GNPTAB: variants seen among roughly 807,000 people sequenced by gnomAD.
The protein encoded by GNPTAB is N-acetylglucosamine-1-phosphate transferase subunits alpha and beta.
GNPTAB carries 92 observed loss-of-function variants against 136.6 expected under a neutral mutation model. The observed-to-expected ratio is 0.67, with a 90% CI of 0.57 to 0.80. The LOEUF is 0.80. Ranked by LOEUF, GNPTAB falls within the 30% of genes least tolerant of loss-of-function variation. The probability of loss-of-function intolerance (pLI) is 0.00; values close to 1 mark genes in which losing one functional copy is unlikely to be tolerated. For synonymous variants in GNPTAB, 512 were observed against 535.1 expected, an observed-to-expected ratio of 0.96 and a Z score of 0.60; for missense variants, 1,343 against 1,501.8, an observed-to-expected ratio of 0.89 and a Z score of 1.75.
chr12:101,760,806 G>A (rs541883077), intron 15 of GNPTAB, among the ~76,000 whole-genome samples: 261 of 145,642 alleles, frequency 1.8e-3, no homozygotes, highest in African/African-American at 6.4e-3. Context: ...TTGAGACAGA[G>A]TCTCACTCTG....
rs998196068 is a variant in GNPTAB, at chr12:101,814,998, A to T, written c.117+15561T>A. Among the ~76,000 whole-genome samples the T allele has an allele frequency of 9.2e-5, 14 of 152,350 alleles. 1 individual carries two copies. Among genetic ancestry groups the T allele is most frequent in the Admixed American group, 9.2e-4 (14 of 15,294 alleles). On this transcript the variant is annotated intron_variant, in intron 1 of 20. Transcript: ENST00000299314. The stretch of plus-strand genomic sequence containing the variant: ...CTAGGTTTGAACTTAAGGATAACTG[A>T]AAAATATCTTGGGGTCCCAGGAGTC...
At chr12:101,787,616 T>G (rs1868729806) in intron 4 of GNPTAB, among the ~76,000 whole-genome samples, 1 of 152,160 alleles carries the variant, frequency 6.6e-6, no homozygotes, top group South Asian at 2.1e-4. Flanking sequence ...AAAAGATAGC[T>G]TAGAAGGCAC....
Position 101,796,326 on chromosome 12 carries a change from C to T in GNPTAB, c.203+351G>A, listed in dbSNP as rs1273764991. 1.1e-5 allele frequency: 8 copies of T among 701,026 alleles called. No individual in the cohort carries two copies. In the Admixed American group the frequency reaches 1.2e-4, roughly 11 times the overall value. The allele number at this position is 701,026 out of a possible 1,614,324, so 43.4% of individuals were successfully genotyped here. On this transcript the variant is annotated intron_variant, in intron 2 of 20. Coordinates refer to ENST00000299314, the MANE Select transcript of GNPTAB (RefSeq NM_024312.5). ...CCCAATAAACTACAAGGTGGGATTACTCTCTGTGAATCAGATTTTTCACCC... is the reference window on the plus strand; with the variant it reads ...CCCAATAAACTACAAGGTGGGATTATTCTCTGTGAATCAGATTTTTCACCC...
chr12:101,757,479 G>T, intron 17 of GNPTAB, 93 bp downstream of exon 17: 2 of 815,276 alleles, frequency 2.5e-6, no homozygotes, highest in South Asian at 1.4e-5. Context: ...TTAGAACAGT[G>T]CTTAATAGAC....
chr12:101,759,362 CAAAAAAAAAAA>C (rs34183008), intron 16 of GNPTAB, among the ~76,000 whole-genome samples: 2 of 50,896 alleles, frequency 3.9e-5, no homozygotes, highest in Admixed American at 2.2e-4. Flanking sequence ...GACTCCGTCT[CAAAAAAAAAAA>C]AAAAAAAAAG....
Position 101,764,418 on chromosome 12 carries a change from T to G in GNPTAB, c.2499A>C (p.Glu833Asp), listed in dbSNP as rs77410031. Residue 833 changes from glutamate (E) to aspartate (D), a missense_variant, in exon 13 of 21, where the codon GAA becomes GAC. Coordinates refer to ENST00000299314, the MANE Select transcript of GNPTAB (RefSeq NM_024312.5). ...QKTIGGNVTK[E>D]KPPSLIVPLE... Reference sequence around the variant, plus strand: ...GTGGAACAATCAGAGATGGGGGCTTTTCTTTTGTCACATTTCCGCCTATGG... The same window carrying G: ...GTGGAACAATCAGAGATGGGGGCTTGTCTTTTGTCACATTTCCGCCTATGG... 3 of 1,613,290 alleles carry G rather than the reference T, an allele frequency of 1.9e-6. No individual in the cohort carries two copies. In the African/African-American group the frequency reaches 4.0e-5, roughly 22 times the overall value.
At chr12:101,783,532 G>A (rs561989474) in intron 5 of GNPTAB, among the ~76,000 whole-genome samples, 40 of 152,228 alleles carry the variant, frequency 2.6e-4, no homozygotes, top group Middle Eastern at 3.4e-3. Flanking sequence ...GCCACTGGAG[G>A]AAATTTGTTT....
intron 1 of GNPTAB, among the ~76,000 whole-genome samples, chr12:101,806,262 T>C (rs1015431941): frequency 3.3e-5 from 5 of 152,098 alleles, no homozygotes; most frequent in Non-Finnish European, 4.4e-5. Context: ...TCTTTCCCCA[T>C]GTAAACACAG....
chr12:101,772,125 C>T (rs1029258937), intron 7 of GNPTAB, among the ~76,000 whole-genome samples: 15 of 152,324 alleles, frequency 9.8e-5, no homozygotes, highest in South Asian at 2.1e-4. Context: ...GCCACCCCTA[C>T]GAAAGTCCAC....
Position 101,770,604 on chromosome 12 carries a change from A to G in GNPTAB, c.934-19T>C, listed in dbSNP as rs766680130. The G allele has an allele frequency of 4.7e-5, 75 of 1,591,670 alleles. No individual in the cohort carries two copies. Among genetic ancestry groups the G allele is most frequent in the Non-Finnish European group, 6.2e-5 (72 of 1,160,376 alleles). On this transcript the variant is annotated intron_variant, in intron 8 of 20. Transcript: ENST00000299314. ...GCTTAGACTGAGAAAAACACTTGGC[A>G]TATGAAGATGTGAAATACCCCTTAA...
intron 18 of GNPTAB, among the ~76,000 whole-genome samples, chr12:101,754,408 G>A (rs1045321010): frequency 5.9e-5 from 9 of 151,746 alleles, no homozygotes; most frequent in African/African-American, 2.2e-4. Flanking sequence ...TCCAGCCTGG[G>A]TGATAAAGCG....
At chr12:101,783,189 G>A (rs1439152065) in intron 5 of GNPTAB, among the ~76,000 whole-genome samples, 1 of 151,812 alleles carries the variant, frequency 6.6e-6, no homozygotes, top group Admixed American at 6.6e-5. Flanking sequence ...TGTATCTTCA[G>A]TACAGGGAAC....
In GNPTAB at chr12:101,819,501, A is replaced by AG. The variant is rs200862315; in HGVS notation, c.117+11057dup. Among the ~76,000 whole-genome samples, 452 of 152,256 alleles carry AG rather than the reference A, an allele frequency of 3.0e-3. 1 individual carries two copies. The highest frequency in any genetic ancestry group is 3.3e-3 in the Non-Finnish European group (227 of 68,014). The stretch of plus-strand genomic sequence containing the variant: ...AGACAGAAATGAAGTGAGAAAATGA[A>AG]GGGGGGGAAAAAGGTTTATCAAAGG... On this transcript the variant is annotated intron_variant, in intron 1 of 20. Coordinates refer to ENST00000299314, the MANE Select transcript of GNPTAB (RefSeq NM_024312.5).
chr12:101,759,973 T>A (rs986011740), intron 16 of GNPTAB, 57 bp downstream of exon 16: 1 of 1,002,678 alleles, frequency 1.0e-6, no homozygotes, highest in African/African-American at 1.6e-5. Context: ...ATGCTGTAAG[T>A]AACACTTGAT....
intron 1 of GNPTAB, among the ~76,000 whole-genome samples, chr12:101,804,628 A>C (rs563906872): frequency 6.6e-6 from 1 of 152,302 alleles, no homozygotes; most frequent in East Asian, 1.9e-4. Context: ...TAATATAAGA[A>C]ATTCACTACC....
At chr12:101,780,681 G>A in intron 5 of GNPTAB, 60 bp from the exon 6 acceptor site, 2 of 1,074,284 alleles carry the variant, frequency 1.9e-6, no homozygotes, top group Non-Finnish European at 2.9e-6. Context: ...TATGGTGTCT[G>A]GCAGAACACT....
intron 1 of GNPTAB, among the ~76,000 whole-genome samples, chr12:101,802,324 G>T (rs76623369): frequency 0.01 from 1,592 of 152,158 alleles, 19 homozygotes; most frequent in Non-Finnish European, 0.014. Flanking sequence ...TTGGAGCAAG[G>T]CTGAACTTCG....
intron 1 of GNPTAB, among the ~76,000 whole-genome samples, chr12:101,821,187 G>A (rs929475175): frequency 1.3e-5 from 2 of 151,998 alleles, no homozygotes; most frequent in African/African-American, 4.8e-5. Context: ...TAGTAATGAA[G>A]TGGCAGTTAA....
At chr12:101,755,394 A>G (rs1308128241) in intron 18 of GNPTAB, among the ~76,000 whole-genome samples, 1 of 152,222 alleles carries the variant, frequency 6.6e-6, no homozygotes, top group Non-Finnish European at 1.5e-5. Context: ...AAAGGATACT[A>G]AAGAGCTATG....
Sources: allele counts gnomAD v4.1 joint callset (sites outside exome capture counted in the v4.1 genomes callset), GRCh38; gene constraint gnomAD v4.1.1; transcripts MANE v1.5; gene names NCBI Gene and HGNC (gene_info 2026-07-23, HGNC 2026-07-21).